Variants in SLC8A1 observed in about 807,000 individuals in gnomAD.
The protein encoded by SLC8A1 is solute carrier family 8 member A1, also known as sodium/calcium exchanger 1.
SLC8A1 carries 18 observed loss-of-function variants against 68.3 expected under a neutral mutation model. The ratio of observed to expected loss-of-function variants is 0.26; its 90% CI spans 0.18 to 0.39. The LOEUF is 0.39. Among genes scored for constraint, SLC8A1 ranks in the 10% least tolerant of loss-of-function variants. The pLI is 1.00. For missense variants in SLC8A1, 985 were observed against 1,156.7 expected, an observed-to-expected ratio of 0.85 and a Z score of 2.15; for synonymous variants, 475 against 415.5, an observed-to-expected ratio of 1.14 and a Z score of -1.74.
At chr2:40,483,113 C>G (rs1242900405) in intron 1 of SLC8A1, among the ~76,000 whole-genome samples, 4 of 151,770 alleles carry the variant, frequency 2.6e-5, no homozygotes, top group Non-Finnish European at 4.4e-5. Context: ...CCACAGTTAG[C>G]ACTCTTAATG....
intron 2 of SLC8A1, among the ~76,000 whole-genome samples, chr2:40,302,598 TGA>T (rs1491318192): frequency 6.7e-6 from 1 of 148,190 alleles, no homozygotes; most frequent in African/African-American, 2.5e-5. Context: ...TACATATGTA[TGA>T]TATATATATA....
intron 2 of SLC8A1, among the ~76,000 whole-genome samples, chr2:40,379,841 G>C (rs1681150012): frequency 6.6e-6 from 1 of 152,058 alleles, no homozygotes; most frequent in East Asian, 1.9e-4. Context: ...ATCTATTAAA[G>C]TTCTCAGGCT....
intron 2 of SLC8A1, among the ~76,000 whole-genome samples, chr2:40,227,696 A>C (rs759742537): frequency 3.3e-5 from 5 of 151,996 alleles, no homozygotes; most frequent in Non-Finnish European, 7.4e-5. Context: ...TGTACCCCTA[A>C]ACTTAAAAGT....
At chr2:40,149,875 C>G (rs577785863) in intron 6 of SLC8A1, among the ~76,000 whole-genome samples, 1 of 152,120 alleles carries the variant, frequency 6.6e-6, no homozygotes, top group South Asian at 2.1e-4. Context: ...GCCCATTGGT[C>G]AGTAGGTAAC....
At chr2:40,159,532 A>G (rs1361595632) in intron 6 of SLC8A1, among the ~76,000 whole-genome samples, 3 of 152,184 alleles carry the variant, frequency 2.0e-5, no homozygotes, top group Non-Finnish European at 4.4e-5. Flanking sequence ...CTTCGTCAGC[A>G]GTTTCTTATT....
intron 1 of SLC8A1, among the ~76,000 whole-genome samples, chr2:40,511,802 A>G (rs555613967): frequency 6.6e-6 from 1 of 152,286 alleles, no homozygotes; most frequent in African/African-American, 2.4e-5. Context: ...CAACCCAAGA[A>G]TCTTTGAACA....
intron 2 of SLC8A1, among the ~76,000 whole-genome samples, chr2:40,248,196 G>A (rs2062164008): frequency 6.6e-6 from 1 of 152,130 alleles, no homozygotes; most frequent in Non-Finnish European, 1.5e-5. Context: ...TAAAAATAAA[G>A]TACCAATTAG....
chr2:40,417,758 C>T (rs1293214264), intron 2 of SLC8A1, among the ~76,000 whole-genome samples: 2 of 152,104 alleles, frequency 1.3e-5, no homozygotes, highest in Non-Finnish European at 2.9e-5. Flanking sequence ...TTGGATGGCA[C>T]AGTGTCCACA....
Position 40,274,162 on chromosome 2 carries a change from T to C in SLC8A1, c.1809-96307A>G, listed in dbSNP as rs111592382. On this transcript the variant is annotated intron_variant, in intron 2 of 7. Coordinates refer to ENST00000406785, the Ensembl canonical transcript of SLC8A1. Reference sequence around the variant, plus strand: ...TGTGGAACAGCCCTTGTGGATGGAATAGACTGGGCACTGTTGCTTTCTAGC... The same window carrying C: ...TGTGGAACAGCCCTTGTGGATGGAACAGACTGGGCACTGTTGCTTTCTAGC... Among the ~76,000 whole-genome samples the C allele has an allele frequency of 3.8e-3, 565 of 150,168 alleles. 3 individuals carry two copies. Among genetic ancestry groups the C allele is most frequent in the Middle Eastern group, 0.014 (4 of 294 alleles).
At chr2:40,468,801 T>G (rs900014444) in intron 1 of SLC8A1, among the ~76,000 whole-genome samples, 28 of 151,970 alleles carry the variant, frequency 1.8e-4, no homozygotes, top group Admixed American at 2.6e-4. Flanking sequence ...CTGGGCTGGG[T>G]GTGGTGGCTC....
rs192015583 is a variant in SLC8A1 at position 40,257,314 on chromosome 2, A to G, written c.1809-79459T>C. On this transcript the variant is annotated intron_variant, in intron 2 of 7. Transcript: ENST00000406785. The stretch of plus-strand genomic sequence containing the variant: ...ACTTCCCATGTCCCATTCACTTGCA[A>G]TCAGCTACTGGTGGAAAATTAGATG... Among the ~76,000 whole-genome samples, 31 of 152,314 alleles carry G rather than the reference A, an allele frequency of 2.0e-4. No homozygotes were observed. In the East Asian group the frequency reaches 6.0e-3, roughly 29 times the overall value.
intron 1 of SLC8A1, among the ~76,000 whole-genome samples, chr2:40,503,347 A>G (rs1303742246): frequency 6.6e-6 from 1 of 152,002 alleles, no homozygotes; most frequent in East Asian, 1.9e-4. Flanking sequence ...GCATACTCTA[A>G]GTTCTTCAGA....
chr2:40,301,036 T>C (rs1197107274), intron 2 of SLC8A1, among the ~76,000 whole-genome samples: 1 of 152,112 alleles, frequency 6.6e-6, no homozygotes, highest in African/African-American at 2.4e-5. Context: ...TTTTTGGATA[T>C]AGAGGAAGAA....
intron 2 of SLC8A1, among the ~76,000 whole-genome samples, chr2:40,384,290 A>C (rs929442686): frequency 1.3e-5 from 2 of 152,116 alleles, no homozygotes; most frequent in African/African-American, 4.8e-5. Flanking sequence ...AAAAATGTTA[A>C]GAATTATTAA....
Position 40,450,969 on chromosome 2 carries a change from TG to T in SLC8A1, c.-25+934del, listed in dbSNP as rs908638255. ...AACAGCAACAGAATCCACGGGGTGG[TG>T]GGGGGGATAGAGAAGAGGCGGGGGT... On this transcript the variant is annotated intron_variant, in intron 1 of 7. Coordinates refer to ENST00000406785, the Ensembl canonical transcript of SLC8A1. Among the ~76,000 whole-genome samples the T allele has an allele frequency of 3.9e-5, 5 of 127,034 alleles. No homozygotes were observed. The East Asian group carries it at 1.1e-3, about 29-fold the overall frequency. The allele number at this position is 127,034 out of a possible 152,430, so 83.3% of individuals were successfully genotyped here.
exon 8 of SLC8A1, chr2:40,110,709 C>T (rs2034504368): frequency 6.6e-6 from 1 of 152,154 alleles, no homozygotes; most frequent in African/African-American, 2.4e-5. Flanking sequence ...TCAGAACTTG[C>T]TCTGCATGCA....
chr2:40,445,665 G>C (rs1330202858), intron 1 of SLC8A1, among the ~76,000 whole-genome samples: 2 of 152,188 alleles, frequency 1.3e-5, no homozygotes, highest in Admixed American at 1.3e-4. Context: ...GACTGATAAA[G>C]AGAAGCTCTT....
chr2:40,364,979 A>C (rs953486349), intron 2 of SLC8A1, among the ~76,000 whole-genome samples: 1 of 152,082 alleles, frequency 6.6e-6, no homozygotes, highest in Non-Finnish European at 1.5e-5. Flanking sequence ...ATGTCTCTCT[A>C]ATCAAGAAAT....
intron 1 of SLC8A1, among the ~76,000 whole-genome samples, chr2:40,461,407 C>A (rs764778893): frequency 5.9e-5 from 9 of 152,160 alleles, no homozygotes; most frequent in Non-Finnish European, 8.8e-5. Context: ...CTCCCACTGC[C>A]TGTCCCCCTT....
Sources: allele counts gnomAD v4.1 joint callset (sites outside exome capture counted in the v4.1 genomes callset), GRCh38; gene constraint gnomAD v4.1.1; transcripts MANE v1.5; gene names NCBI Gene and HGNC (gene_info 2026-07-23, HGNC 2026-07-21).